ARHGAP35: variants seen among roughly 807,000 people sequenced by gnomAD.
ARHGAP35 encodes rho GTPase-activating protein 35.
Under a neutral mutation model 111.1 loss-of-function variants are expected in ARHGAP35, and 15 were observed. That is an observed-to-expected ratio of 0.13 (90% confidence interval 0.09 to 0.21). The LOEUF is 0.21. ARHGAP35 is among the 10% of genes least tolerant of loss of function. The pLI is 1.00. For missense variants in ARHGAP35, 1,262 were observed against 1,873.0 expected (o/e 0.67, Z 6.02); for synonymous variants, 643 against 710.3 (o/e 0.91, Z 1.51).
Position 47,000,193 on chromosome 19 carries a change from C to A in ARHGAP35, c.4143-138C>A. On this transcript the variant is annotated intron_variant, in intron 6 of 6. Transcript: ENST00000672722. This position sits in a 1 kb window ranked among gnomAD's most constrained non-coding sequence, Gnocchi z 6.9. Reference sequence around the variant, plus strand: ...GCAGCCTCCCAGGCAGGGCAGGGTACAGAGAGCTGCGCATGGCCTTTTCTG... The same window carrying A: ...GCAGCCTCCCAGGCAGGGCAGGGTAAAGAGAGCTGCGCATGGCCTTTTCTG... 1 of 903,720 alleles carries A rather than the reference C, an allele frequency of 1.1e-6. No individual in the cohort carries two copies. Among genetic ancestry groups the A allele is most frequent in the Non-Finnish European group, 1.7e-6 (1 of 594,566 alleles). 56.0% of individuals were successfully genotyped at this position (903,720 alleles called of 1,614,324 possible).
chr19:46,968,440 G>A (rs576810898), intron 3 of ARHGAP35, among the ~76,000 whole-genome samples: 1 of 152,306 alleles, frequency 6.6e-6, no homozygotes, highest in South Asian at 2.1e-4. Context: ...CTGTCCCTCG[G>A]CTGGAGGCCA....
In ARHGAP35 at chr19:46,959,895, C is replaced by T. The variant is rs1269378552; in HGVS notation, c.3826+22487C>T. On this transcript the variant is annotated intron_variant, in intron 3 of 6. Transcript: ENST00000672722. The stretch of plus-strand genomic sequence containing the variant: ...AGAGGATCGCTTGAGCCTAGGAGTT[C>T]GAGACCAGCCTGGGCAACATAGCAA... Among the ~76,000 whole-genome samples, 4 of 151,268 alleles carry T rather than the reference C, an allele frequency of 2.6e-5. No individual in the cohort carries two copies. The South Asian group carries it at 6.3e-4, about 24-fold the overall frequency.
At chr19:46,950,876 C>T (rs2056408323) in intron 3 of ARHGAP35, among the ~76,000 whole-genome samples, 1 of 152,180 alleles carries the variant, frequency 6.6e-6, no homozygotes, top group Non-Finnish European at 1.5e-5. Context: ...AAGTAGGTGT[C>T]AACAAGAACA....
chr19:46,947,665 T>G (rs2056387695), intron 3 of ARHGAP35: 1 of 152,024 alleles, frequency 6.6e-6, no homozygotes, highest in Non-Finnish European at 1.5e-5. Flanking sequence ...CCGGTTCAAT[T>G]CCAAAACCGT....
intron 1 of ARHGAP35, among the ~76,000 whole-genome samples, chr19:46,910,481 G>A (rs1277310743): frequency 1.4e-5 from 2 of 147,102 alleles, no homozygotes; most frequent in Admixed American, 6.8e-5. Context: ...TTTGTATTTT[G>A]GGGTTTCACC....
At chr19:46,923,271 A>AT (rs1568469091) in intron 2 of ARHGAP35, among the ~76,000 whole-genome samples, 2 of 151,914 alleles carry the variant, frequency 1.3e-5, no homozygotes, top group Admixed American at 1.3e-4. Flanking sequence ...TGCCCAGCTA[A>AT]TTTTTTTATT....
chr19:46,918,000 T>C (rs1323546293), intron 1 of ARHGAP35, among the ~76,000 whole-genome samples: 1 of 152,164 alleles, frequency 6.6e-6, no homozygotes, highest in Admixed American at 6.5e-5. Flanking sequence ...AGGCGTAAGC[T>C]ACCACGCCCG....
At chr19:46,868,893 ATTTTTTT>A (rs59080309) in intron 1 of ARHGAP35, among the ~76,000 whole-genome samples, 1 of 58,702 alleles carries the variant, frequency 1.7e-5, no homozygotes, top group Middle Eastern at 0.017. Flanking sequence ...GCTCACCGTG[ATTTTTTT>A]TTTTTTTTTT....
At chr19:46,957,406 G>C (rs2056446006) in intron 3 of ARHGAP35, among the ~76,000 whole-genome samples, 1 of 152,062 alleles carries the variant, frequency 6.6e-6, no homozygotes, top group Non-Finnish European at 1.5e-5. Context: ...TAGAGCCCAG[G>C]AGTTTGAGAC....
At chr19:46,866,209 G>T (rs2055855842) in intron 1 of ARHGAP35, among the ~76,000 whole-genome samples, 1 of 152,170 alleles carries the variant, frequency 6.6e-6, no homozygotes, top group African/African-American at 2.4e-5. Flanking sequence ...CAGTTGGTAA[G>T]ATTTCTTTTT....
In ARHGAP35 at chr19:46,898,775, A is replaced by AGCTGCTGCTGCTGCTGCTGCT. The variant is rs112008743; in HGVS notation, c.-188-19696_-188-19676dup. Among the ~76,000 whole-genome samples the AGCTGCTGCTGCTGCTGCTGCT allele has an allele frequency of 2.7e-4, 40 of 150,910 alleles. 1 individual carries two copies. The East Asian group carries it at 4.1e-3, about 15-fold the overall frequency. On this transcript the variant is annotated intron_variant, in intron 1 of 6. Coordinates refer to ENST00000672722, the MANE Select transcript of ARHGAP35 (RefSeq NM_004491.5). The stretch of plus-strand genomic sequence containing the variant: ...ACCCAGGAGCCTCCATGCACAGATG[A>AGCTGCTGCTGCTGCTGCTGCT]GCTGCTGCTGCTGCTGCTGCTGCTG...
intron 3 of ARHGAP35, among the ~76,000 whole-genome samples, chr19:46,975,438 A>G (rs1046285616): frequency 6.6e-6 from 1 of 152,128 alleles, no homozygotes; most frequent in Non-Finnish European, 1.5e-5. Flanking sequence ...CTGGGAGCTC[A>G]GGGGCCAGTG....
chr19:46,885,509 C>G (rs978566434), intron 1 of ARHGAP35, among the ~76,000 whole-genome samples: 3 of 152,176 alleles, frequency 2.0e-5, no homozygotes, highest in African/African-American at 7.2e-5. Context: ...TTTGTGTGCT[C>G]TCTCTTCTGC....
At chr19:46,886,728 T>C (rs2055994971) in intron 1 of ARHGAP35, among the ~76,000 whole-genome samples, 1 of 152,206 alleles carries the variant, frequency 6.6e-6, no homozygotes. Flanking sequence ...TAAAAGTGTC[T>C]TTATAATGAT....
chr19:46,969,094 A>G (rs1371432884), intron 3 of ARHGAP35, among the ~76,000 whole-genome samples: 1 of 152,128 alleles, frequency 6.6e-6, no homozygotes, highest in Non-Finnish European at 1.5e-5. Flanking sequence ...CAAAAAAAAA[A>G]TAGAAAGAAG....
rs1327918743 is a variant in ARHGAP35, at chr19:46,945,677, A to T, written c.3826+8269A>T. Among the ~76,000 whole-genome samples the T allele has an allele frequency of 1.3e-5, 2 of 152,100 alleles. No individual in the cohort carries two copies. The highest frequency in any genetic ancestry group is 2.9e-5 in the Non-Finnish European group (2 of 68,024). On this transcript the variant is annotated intron_variant, in intron 3 of 6. Transcript: ENST00000672722. This position sits in a 1 kb window ranked among gnomAD's most constrained non-coding sequence, Gnocchi z 4.1. ...TCTGGAGACAGAATCCTAGTGCCCC[A>T]CTTGCCTTGGCTCTGCTGTGTGTGT...
intron 1 of ARHGAP35, among the ~76,000 whole-genome samples, chr19:46,888,866 AG>A (rs1479894702): frequency 1.4e-5 from 2 of 147,738 alleles, no homozygotes; most frequent in Non-Finnish European, 3.0e-5. Context: ...AAAATTAGGC[AG>A]GGGTGGTGGC....
At chr19:46,967,111 AT>A (rs920916948) in intron 3 of ARHGAP35, among the ~76,000 whole-genome samples, 260 of 144,086 alleles carry the variant, frequency 1.8e-3, no homozygotes, top group Admixed American at 2.9e-3. Flanking sequence ...GGCTTTTCAG[AT>A]TTTTTTTTTT....
chr19:46,967,630 T>C (rs766718058), intron 3 of ARHGAP35, among the ~76,000 whole-genome samples: 2 of 152,212 alleles, frequency 1.3e-5, no homozygotes, highest in Non-Finnish European at 2.9e-5. Flanking sequence ...AACTCATCAG[T>C]GGTTCTGTAT....
Sources: gnomAD v4.1 joint callset for allele counts (sites outside exome capture counted in the v4.1 genomes callset) on GRCh38, gnomAD v4.1.1 for gene constraint, Gnocchi (gnomAD v3.1) non-coding constraint, MANE v1.5 for transcripts, NCBI Gene and HGNC (gene_info 2026-07-23, HGNC 2026-07-21) for gene names.